ATP8A1: variants seen among roughly 807,000 people sequenced by gnomAD.
The protein encoded by ATP8A1 is ATPase phospholipid transporting 8A1.
ATP8A1 carries 90 observed loss-of-function variants against 177.7 expected under a neutral mutation model. The observed-to-expected ratio is 0.51, with a 90% CI of 0.43 to 0.60. ATP8A1 has a LOEUF of 0.60. Among genes scored for constraint, ATP8A1 ranks in the 20% least tolerant of loss-of-function variants. The pLI is 0.00. For synonymous variants in ATP8A1, 493 were observed against 485.9 expected, an observed-to-expected ratio of 1.01 and a Z score of -0.19; for missense variants, 1,072 against 1,392.8, an observed-to-expected ratio of 0.77 and a Z score of 3.67.
chr4:42,555,139 A>ATCT (rs1553903246), intron 16 of ATP8A1, among the ~76,000 whole-genome samples: 3,418 of 58,058 alleles, frequency 0.059, 135 homozygotes, highest in East Asian at 0.11. Context: ...CTATCTATCT[A>ATCT]ATCTATCTAT....
intron 4 of ATP8A1, among the ~76,000 whole-genome samples, chr4:42,617,914 G>C (rs1737077681): frequency 6.6e-6 from 1 of 152,072 alleles, no homozygotes; most frequent in Non-Finnish European, 1.5e-5. Context: ...CCTACAAAAA[G>C]AAAGCATCTA....
intron 6 of ATP8A1, among the ~76,000 whole-genome samples, chr4:42,592,963 T>G (rs573389865): frequency 2.8e-4 from 43 of 152,280 alleles, no homozygotes; most frequent in Admixed American, 1.2e-3. Context: ...ATTCATCACA[T>G]TTTTACTTAG....
intron 24 of ATP8A1, among the ~76,000 whole-genome samples, chr4:42,490,416 G>C (rs917475987): frequency 4.5e-4 from 68 of 152,200 alleles, no homozygotes; most frequent in Non-Finnish European, 8.8e-5. Flanking sequence ...TTTTATCCAT[G>C]TCTAGTGGAT....
chr4:42,431,108 C>T (rs1211399431), intron 33 of ATP8A1, among the ~76,000 whole-genome samples: 1 of 152,092 alleles, frequency 6.6e-6, no homozygotes, highest in Non-Finnish European at 1.5e-5. Flanking sequence ...ACTAGAATAG[C>T]GCTTTGACAT....
At chr4:42,520,544 A>G (rs1040430847) in intron 22 of ATP8A1, among the ~76,000 whole-genome samples, 3 of 152,158 alleles carry the variant, frequency 2.0e-5, no homozygotes, top group African/African-American at 4.8e-5. Flanking sequence ...GGAAATGGAG[A>G]GCGAGAAGGT....
Position 42,645,990 on chromosome 4 carries a change from TC to T in ATP8A1, c.49+10834del, listed in dbSNP as rs1361881296. Among the ~76,000 whole-genome samples, 7 of 150,292 alleles carry T rather than the reference TC, an allele frequency of 4.7e-5. No homozygotes were observed. The East Asian group carries it at 1.2e-3, about 25-fold the overall frequency. ...AAGGGAACTGGAAAGGGCCAACTAG[TC>T]GCAGCCACTGGAATAACAATACAAT... On this transcript the variant is annotated intron_variant, in intron 1 of 36. Transcript: ENST00000381668.
chr4:42,522,312 G>C lies in ATP8A1; in HGVS notation c.1808-13C>G. The C allele has an allele frequency of 6.2e-7, 1 of 1,612,028 alleles. No individual in the cohort carries two copies. Among genetic ancestry groups the C allele is most frequent in the Non-Finnish European group, 8.5e-7 (1 of 1,179,562 alleles). ...AAAGTTCTTAACCCTGAAAAAGATA[G>C]CATACATCACCCCAACACACCAAAG... On this transcript the variant is annotated splice_polypyrimidine_tract_variant and intron_variant, in intron 21 of 36. Transcript: ENST00000381668.
rs1724429542 is a variant in ATP8A1 at position 42,507,016 on chromosome 4, C to T, written c.2086G>A (p.Gly696Arg). The T allele has an allele frequency of 6.2e-7, 1 of 1,612,656 alleles. No homozygotes were observed. The highest frequency in any genetic ancestry group is 8.5e-7 in the Non-Finnish European group (1 of 1,179,578). ...GDKQETAINI[G>R]HSCKLLKKNM... Reference sequence around the variant, plus strand: ...GTAAAATGTGAACTAGGTGAATTACCGATGTTAATGGCAGTTTCTTGCTTG... The same window carrying T: ...GTAAAATGTGAACTAGGTGAATTACTGATGTTAATGGCAGTTTCTTGCTTG... The change falls in exon 23 of 37, where the codon GGA (glycine) becomes AGA (arginine). Residue 696 changes from glycine to arginine, a missense_variant and splice_region_variant. Coordinates refer to ENST00000381668, the MANE Select transcript of ATP8A1 (RefSeq NM_006095.2).
intron 33 of ATP8A1, among the ~76,000 whole-genome samples, chr4:42,438,314 C>T (rs895230053): frequency 6.6e-6 from 1 of 152,176 alleles, no homozygotes; most frequent in Non-Finnish European, 1.5e-5. Flanking sequence ...TGAGTGACTA[C>T]ATGAAAAGTG....
chr4:42,423,530 A>T, intron 34 of ATP8A1, 87 bp downstream of exon 34: 1 of 849,262 alleles, frequency 1.2e-6, no homozygotes. Flanking sequence ...TGCAAGCTCT[A>T]CATGCTTGAG....
chr4:42,444,770 A>G, intron 31 of ATP8A1, 136 bp from the exon 32 acceptor site: 6 of 868,290 alleles, frequency 6.9e-6, no homozygotes, highest in Non-Finnish European at 8.9e-6. Context: ...TGTATATCCA[A>G]CCAGCAAAGA....
At chr4:42,652,136 TC>T (rs1340623614) in intron 1 of ATP8A1, among the ~76,000 whole-genome samples, 1 of 152,238 alleles carries the variant, frequency 6.6e-6, no homozygotes, top group Non-Finnish European at 1.5e-5. Flanking sequence ...CATTTGGATG[TC>T]CCCGTTACCT....
At chr4:42,536,451 G>A (rs1176850741) in intron 20 of ATP8A1, among the ~76,000 whole-genome samples, 3 of 151,958 alleles carry the variant, frequency 2.0e-5, no homozygotes, top group African/African-American at 7.3e-5. Context: ...AGACTGAAAT[G>A]GTAATTAAAA....
chr4:42,619,741 AGC>A (rs1737278402), intron 4 of ATP8A1, among the ~76,000 whole-genome samples: 1 of 152,162 alleles, frequency 6.6e-6, no homozygotes, highest in Admixed American at 6.5e-5. Context: ...TATTAGTGGC[AGC>A]CATGACCAGT....
At chr4:42,593,756 G>C (rs893131239) in intron 6 of ATP8A1, among the ~76,000 whole-genome samples, 1 of 151,952 alleles carries the variant, frequency 6.6e-6, no homozygotes, top group Non-Finnish European at 1.5e-5. Context: ...ATTAAAATAT[G>C]AGTAAAATGA....
intron 12 of ATP8A1, 23 bp downstream of exon 12, chr4:42,578,237 T>A (rs747954896): frequency 6.4e-7 from 1 of 1,567,516 alleles, no homozygotes; most frequent in Non-Finnish European, 8.6e-7. Context: ...TGTAGGGTGA[T>A]AACAATCATA....
chr4:42,625,398 C>T, intron 3 of ATP8A1: 2 of 400,312 alleles, frequency 5.0e-6, no homozygotes, highest in Middle Eastern at 3.2e-4. Context: ...CAGTCCTTGC[C>T]ACATCAAATT....
chr4:42,540,638 T>C (rs1728294657), intron 20 of ATP8A1, among the ~76,000 whole-genome samples: 3 of 152,064 alleles, frequency 2.0e-5, no homozygotes, highest in South Asian at 2.1e-4. Context: ...TGCAGCATCG[T>C]AGATGAAACT....
chr4:42,567,004 T>C (rs1731418825), intron 15 of ATP8A1, among the ~76,000 whole-genome samples: 1 of 152,200 alleles, frequency 6.6e-6, no homozygotes, highest in Non-Finnish European at 1.5e-5. Flanking sequence ...ATGATGCAAC[T>C]ACTATTATTA....
Sources: allele counts gnomAD v4.1 joint callset (sites outside exome capture counted in the v4.1 genomes callset), GRCh38; gene constraint gnomAD v4.1.1; transcripts MANE v1.5; gene names NCBI Gene and HGNC (gene_info 2026-07-23, HGNC 2026-07-21).